RBFOX1: variants seen among roughly 807,000 people sequenced by gnomAD.
RBFOX1 encodes RNA binding fox-1 homolog 1, also known as RNA binding protein fox-1 homolog 1.
In RBFOX1, 8 loss-of-function variants were observed where a neutral mutation model predicts 57.7. The observed-to-expected ratio is 0.14, with a 90% CI of 0.08 to 0.25. The LOEUF (loss-of-function observed/expected upper bound fraction) is 0.25, where lower values mean the gene tolerates loss of function less well. RBFOX1 is among the 10% of genes least tolerant of loss of function. The pLI is 1.00. For missense variants in RBFOX1, 611 were observed against 548.5 expected, an observed-to-expected ratio of 1.11 and a Z score of -1.14; for synonymous variants, 326 against 222.4, an observed-to-expected ratio of 1.47 and a Z score of -4.15.
rs183258854 is a variant in RBFOX1, at chr16:7,198,293, C to G, written c.27+146195C>G. On this transcript the variant is annotated intron_variant, in intron 4 of 15. Coordinates refer to ENST00000550418, the MANE Select transcript of RBFOX1 (RefSeq NM_018723.4). Reference sequence around the variant, plus strand: ...GTCCTGGGATTACAGGCGTAAGCCACCGCACATGGCCAATATACCCGGTGG... The same window carrying G: ...GTCCTGGGATTACAGGCGTAAGCCAGCGCACATGGCCAATATACCCGGTGG... Among the ~76,000 whole-genome samples the G allele has an allele frequency of 2.5e-4, 38 of 152,288 alleles. 2 individuals are homozygous for G. In the East Asian group the frequency reaches 7.0e-3, roughly 28 times the overall value.
At chr16:6,378,754 A>G (rs1480122133) in intron 2 of RBFOX1, among the ~76,000 whole-genome samples, 5 of 151,872 alleles carry the variant, frequency 3.3e-5, no homozygotes. Context: ...GGTCTCAACA[A>G]CCTCTTTATT....
At chr16:6,791,652 G>C (rs376799735) in intron 3 of RBFOX1, among the ~76,000 whole-genome samples, 3 of 152,104 alleles carry the variant, frequency 2.0e-5, no homozygotes, top group Admixed American at 6.5e-5. Flanking sequence ...CCAGCTACTC[G>C]GGAGGCTGAG....
At chr16:6,663,393 C>T (rs910969981) in intron 3 of RBFOX1, among the ~76,000 whole-genome samples, 1 of 152,194 alleles carries the variant, frequency 6.6e-6, no homozygotes, top group African/African-American at 2.4e-5. Context: ...TGCATATGAG[C>T]ATGACATAGC....
intron 2 of RBFOX1, among the ~76,000 whole-genome samples, chr16:6,622,943 G>T (rs1394259441): frequency 6.6e-6 from 1 of 152,054 alleles, no homozygotes; most frequent in African/African-American, 2.4e-5. Flanking sequence ...ATTCTCTCAG[G>T]GTCTTCTTAC....
At chr16:7,444,600 C>G (rs931681341) in intron 4 of RBFOX1, among the ~76,000 whole-genome samples, 6 of 152,004 alleles carry the variant, frequency 3.9e-5, no homozygotes, top group Non-Finnish European at 5.9e-5. Context: ...TGGCATGATC[C>G]TAGCTCACTG....
At chr16:7,135,426 C>A (rs1248673237) in intron 4 of RBFOX1, among the ~76,000 whole-genome samples, 4 of 152,190 alleles carry the variant, frequency 2.6e-5, no homozygotes, top group Non-Finnish European at 5.9e-5. Context: ...GACTTTGCAT[C>A]TTCGATGACA....
chr16:6,025,958 G>C (rs1233528896), intron 1 of RBFOX1, among the ~76,000 whole-genome samples: 1 of 152,138 alleles, frequency 6.6e-6, no homozygotes, highest in African/African-American at 2.4e-5. Context: ...CACAAGCTGA[G>C]CCAAGCACTG....
At chr16:5,678,959 A>T (rs913403224) in intron 3 of RBFOX1, among the ~76,000 whole-genome samples, 1 of 152,192 alleles carries the variant, frequency 6.6e-6, no homozygotes, top group Non-Finnish European at 1.5e-5. Context: ...TACCTCAGTG[A>T]TTGGGGCTAC....
At chr16:7,079,640 G>A (rs1236596454) in intron 4 of RBFOX1, among the ~76,000 whole-genome samples, 2 of 152,128 alleles carry the variant, frequency 1.3e-5, no homozygotes, top group East Asian at 1.9e-4. Context: ...GCGTTATGAT[G>A]GAGAGACAGC....
intron 1 of RBFOX1, among the ~76,000 whole-genome samples, chr16:6,282,482 C>T (rs1180201629): frequency 6.6e-6 from 1 of 151,250 alleles, no homozygotes; most frequent in Non-Finnish European, 1.5e-5. Context: ...AACCTGTCAT[C>T]TAGGTGTTAA....
Position 7,466,243 on chromosome 16 carries a change from C to A in RBFOX1, c.28-51904C>A, listed in dbSNP as rs575807411. On this transcript the variant is annotated intron_variant, in intron 4 of 15. Coordinates refer to ENST00000550418, the MANE Select transcript of RBFOX1 (RefSeq NM_018723.4). ...GAACAACAATCCTTACAGCTCTACTCTGAAGTATTGTACGTACAGTTAATG... is the reference window on the plus strand; with the variant it reads ...GAACAACAATCCTTACAGCTCTACTATGAAGTATTGTACGTACAGTTAATG... 4.3e-4 allele frequency among the ~76,000 whole-genome samples: 66 copies of A among 152,318 alleles called. 2 individuals are homozygous for A. The South Asian group carries it at 0.014, about 32-fold the overall frequency.
chr16:5,904,758 A>G (rs1222663291), intron 4 of RBFOX1, among the ~76,000 whole-genome samples: 2 of 151,724 alleles, frequency 1.3e-5, no homozygotes, highest in African/African-American at 2.4e-5. Flanking sequence ...TGGGCAGATC[A>G]CGAGGTCAGG....
intron 3 of RBFOX1, among the ~76,000 whole-genome samples, chr16:6,882,440 C>A (rs2153342464): frequency 6.6e-6 from 1 of 152,144 alleles, no homozygotes; most frequent in East Asian, 1.9e-4. Flanking sequence ...ACTAAAAATA[C>A]AAAATTATCT....
chr16:7,187,058 CT>C (rs2084035874), intron 4 of RBFOX1, among the ~76,000 whole-genome samples: 1 of 149,176 alleles, frequency 6.7e-6, no homozygotes, highest in African/African-American at 2.5e-5. Flanking sequence ...GTCCCAGCTA[CT>C]TGGGAGGTTG....
chr16:6,654,406 A>G (rs1400300828), intron 2 of RBFOX1, among the ~76,000 whole-genome samples, 197 bp from the exon 3 acceptor site: 2 of 152,194 alleles, frequency 1.3e-5, no homozygotes, highest in South Asian at 2.1e-4. Context: ...TATGAGATAC[A>G]TATGTCTCTA....
intron 1 of RBFOX1, among the ~76,000 whole-genome samples, chr16:6,035,119 C>A (rs1428075558): frequency 2.0e-5 from 3 of 152,152 alleles, no homozygotes; most frequent in African/African-American, 4.8e-5. Context: ...GTTAGTAGCA[C>A]CCCCTTCACC....
chr16:5,481,564 C>T (rs1255544583), intron 2 of RBFOX1, among the ~76,000 whole-genome samples: 13 of 152,144 alleles, frequency 8.5e-5, no homozygotes, highest in African/African-American at 2.2e-4. Flanking sequence ...TTCATCTCTA[C>T]ATGATGCATA....
At chr16:6,855,597 G>T (rs2057704074) in intron 3 of RBFOX1, among the ~76,000 whole-genome samples, 1 of 150,042 alleles carries the variant, frequency 6.7e-6, no homozygotes, top group Non-Finnish European at 1.5e-5. Flanking sequence ...AGCTTGCAGT[G>T]AGCCTGGATC....
chr16:7,487,148 C>G (rs996895713), intron 4 of RBFOX1, among the ~76,000 whole-genome samples: 2 of 152,180 alleles, frequency 1.3e-5, no homozygotes, highest in Admixed American at 1.3e-4. Context: ...GATTTACCCG[C>G]CTCGGCCTCC....
Sources: allele counts gnomAD v4.1 joint callset (sites outside exome capture counted in the v4.1 genomes callset), GRCh38; gene constraint gnomAD v4.1.1; transcripts MANE v1.5; gene names NCBI Gene and HGNC (gene_info 2026-07-23, HGNC 2026-07-21).